Variants in GARIN1A observed in about 807,000 individuals in gnomAD.
GARIN1A encodes the protein golgi associated RAB2 interactor 1A, also known as Golgi-associated RAB2 interactor protein 1A.
chr7:128,692,495 AAAG>A, the GARIN1A span, among the ~76,000 whole-genome samples: 2 of 152,246 alleles, frequency 1.3e-5, no homozygotes, highest in Non-Finnish European at 2.9e-5. Context: ...TTAAAAGAGA[AAAG>A]AAACAAAACA....
At chr7:128,705,332 AC>A in the GARIN1A span, among the ~76,000 whole-genome samples, 1 of 151,802 alleles carries the variant, frequency 6.6e-6, no homozygotes, top group Non-Finnish European at 1.5e-5. Flanking sequence ...CACAGGCTTT[AC>A]CTTTTCAGGT....
the GARIN1A span, chr7:128,672,378 C>T: frequency 7.5e-6 from 12 of 1,597,562 alleles, no homozygotes; most frequent in Admixed American, 2.1e-4. Context: ...TGTTCCCAAG[C>T]CCATTCTTAC....
the GARIN1A span, chr7:128,677,653 A>C: frequency 1.8e-5 from 29 of 1,613,732 alleles, no homozygotes; most frequent in Middle Eastern, 6.6e-4. Context: ...AAGATCTACT[A>C]TCTGAAGCTC....
At chr7:128,672,766 T>A in the GARIN1A span, among the ~76,000 whole-genome samples, 1 of 152,112 alleles carries the variant, frequency 6.6e-6, no homozygotes, top group Non-Finnish European at 1.5e-5. Flanking sequence ...GGTCATCTGT[T>A]CTAGGGAAAT....
At chr7:128,682,198 C>G in the GARIN1A span, among the ~76,000 whole-genome samples, 1 of 152,194 alleles carries the variant, frequency 6.6e-6, no homozygotes, top group African/African-American at 2.4e-5. Context: ...AAGGAGCCAG[C>G]AACTCTTTAC....
At chr7:128,706,797 C>G in the GARIN1A span, among the ~76,000 whole-genome samples, 2 of 152,198 alleles carry the variant, frequency 1.3e-5, no homozygotes, top group Admixed American at 1.3e-4. Flanking sequence ...GATCCCAGAG[C>G]CTGGTGGGCT....
the GARIN1A span, chr7:128,675,581 C>G: frequency 7.5e-7 from 1 of 1,333,182 alleles, no homozygotes; most frequent in Non-Finnish European, 1.1e-6. Flanking sequence ...GTGTGCACAC[C>G]TGCCCCCAAG....
the GARIN1A span, among the ~76,000 whole-genome samples, chr7:128,705,317 G>C: frequency 2.0e-5 from 3 of 152,094 alleles, no homozygotes; most frequent in Non-Finnish European, 4.4e-5. Flanking sequence ...AACTGTCTTA[G>C]ACGGCACAGG....
At chr7:128,689,602 G>T in the GARIN1A span, among the ~76,000 whole-genome samples, 125 of 130,450 alleles carry the variant, frequency 9.6e-4, no homozygotes, top group African/African-American at 3.8e-3. Flanking sequence ...CCCGGCAGCC[G>T]CCCCGTCTGA....
At chr7:128,697,841 G>A in the GARIN1A span, 1 of 152,372 alleles carries the variant, frequency 6.6e-6, no homozygotes, top group African/African-American at 2.4e-5. Flanking sequence ...TCACAATAAC[G>A]CCACCCCACC....
chr7:128,707,827 C>T, the GARIN1A span, among the ~76,000 whole-genome samples: 1 of 152,136 alleles, frequency 6.6e-6, no homozygotes, highest in Non-Finnish European at 1.5e-5. Context: ...TCATTAGGTC[C>T]ATGCATGCTC....
the GARIN1A span, among the ~76,000 whole-genome samples, chr7:128,688,391 A>C: frequency 6.6e-6 from 1 of 152,230 alleles, no homozygotes; most frequent in Non-Finnish European, 1.5e-5. Flanking sequence ...TACCCTATGC[A>C]CAAAATGAGA....
chr7:128,697,204 G>GA, the GARIN1A span, among the ~76,000 whole-genome samples: 1 of 152,194 alleles, frequency 6.6e-6, no homozygotes, highest in African/African-American at 2.4e-5. Flanking sequence ...AGCAGGAAAA[G>GA]ACAGGCGGCT....
chr7:128,678,015 CTTTTTTTTTTTT>C, the GARIN1A span: 203 of 173,118 alleles, frequency 1.2e-3, no homozygotes, highest in African/African-American at 7.0e-3. Context: ...AGAAATGTTT[CTTTTTTTTTTTT>C]TTTTTTTTTT....
At chr7:128,703,911 C>CG in the GARIN1A span, among the ~76,000 whole-genome samples, 1 of 152,120 alleles carries the variant, frequency 6.6e-6, no homozygotes, top group South Asian at 2.1e-4. Context: ...GGTGACTCGA[C>CG]GTTGGAGGAT....
the GARIN1A span, among the ~76,000 whole-genome samples, chr7:128,689,577 TGAG>T: frequency 7.3e-6 from 1 of 136,726 alleles, no homozygotes; most frequent in Non-Finnish European, 1.6e-5. Context: ...GTCTGAGAAG[TGAG>T]GAGCCCCTCC....
the GARIN1A span, chr7:128,677,945 C>T: frequency 4.4e-6 from 3 of 689,470 alleles, no homozygotes; most frequent in East Asian, 6.3e-5. Flanking sequence ...TTGATAATTT[C>T]TATTCAGTAG....
the GARIN1A span, among the ~76,000 whole-genome samples, chr7:128,688,893 C>T: frequency 9.7e-5 from 13 of 134,162 alleles, no homozygotes; most frequent in African/African-American, 3.4e-4. Context: ...CTCACTGCAA[C>T]CTCCCTGCCT....
At chr7:128,688,648 T>C in the GARIN1A span, among the ~76,000 whole-genome samples, 1 of 152,048 alleles carries the variant, frequency 6.6e-6, no homozygotes, top group African/African-American at 2.4e-5. Flanking sequence ...TGATCTTCTT[T>C]TGACTGGGCA....
Sources: allele counts gnomAD v4.1 joint callset (sites outside exome capture counted in the v4.1 genomes callset), GRCh38; gene constraint gnomAD v4.1.1; transcripts MANE v1.5; gene names NCBI Gene and HGNC (gene_info 2026-07-23, HGNC 2026-07-21).